MAD1L1: variants seen among roughly 807,000 people sequenced by gnomAD.
The protein encoded by MAD1L1 is mitotic spindle assembly checkpoint protein MAD1.
Under a neutral mutation model 96.9 loss-of-function variants are expected in MAD1L1, and 95 were observed. The observed-to-expected ratio is 0.98, with a 90% confidence interval of 0.83 to 1.16. The LOEUF is 1.16. Ranked by LOEUF, MAD1L1 falls within the 50% of genes most tolerant of loss-of-function variation. The pLI is 0.00. For missense variants in MAD1L1, 1,007 were observed against 954.4 expected (o/e 1.06, Z -0.73); for synonymous variants, 473 against 396.6 (o/e 1.19, Z -2.29).
chr7:2,175,743 G>A (rs1315509709), intron 10 of MAD1L1, among the ~76,000 whole-genome samples: 1 of 152,114 alleles, frequency 6.6e-6, no homozygotes, highest in African/African-American at 2.4e-5. Context: ...CAGAAAGGGT[G>A]GGGCTCATCC....
intron 11 of MAD1L1, among the ~76,000 whole-genome samples, chr7:2,137,732 C>T (rs1443235972): frequency 1.3e-5 from 2 of 152,202 alleles, no homozygotes; most frequent in Admixed American, 1.3e-4. Context: ...GGCTCCCACA[C>T]AGGCCAGATC....
chr7:2,134,375 G>T (rs777821163), intron 11 of MAD1L1, among the ~76,000 whole-genome samples: 5 of 152,150 alleles, frequency 3.3e-5, no homozygotes, highest in Non-Finnish European at 5.9e-5. Context: ...TATTCTACAA[G>T]TTCTTTTGTT....
chr7:1,828,303 G>T (rs2128625113), intron 18 of MAD1L1, among the ~76,000 whole-genome samples: 1 of 152,352 alleles, frequency 6.6e-6, no homozygotes, highest in East Asian at 1.9e-4. Context: ...CACAGCCCAG[G>T]CAGGGCCTCG....
At chr7:1,929,114 G>T (rs142327744) in intron 17 of MAD1L1, among the ~76,000 whole-genome samples, 2 of 152,106 alleles carry the variant, frequency 1.3e-5, no homozygotes, top group Non-Finnish European at 2.9e-5. Flanking sequence ...GTGGATTCCA[G>T]GCAGAGCAAC....
At chr7:1,966,944 G>A (rs530880885) in intron 15 of MAD1L1, among the ~76,000 whole-genome samples, 25 of 152,354 alleles carry the variant, frequency 1.6e-4, no homozygotes, top group African/African-American at 5.8e-4. Context: ...AGAGGCTGCC[G>A]GAAATCCTTC....
chr7:2,104,080 C>T (rs1786960771), intron 11 of MAD1L1, among the ~76,000 whole-genome samples: 1 of 152,210 alleles, frequency 6.6e-6, no homozygotes, highest in Admixed American at 6.5e-5. Context: ...GCTCTCCGGG[C>T]CAACTGCACA....
At chr7:2,094,602 G>A (rs1786381560) in intron 11 of MAD1L1, among the ~76,000 whole-genome samples, 1 of 152,086 alleles carries the variant, frequency 6.6e-6, no homozygotes, top group East Asian at 1.9e-4. Flanking sequence ...CTGCTATCCA[G>A]ACAGGGTGCT....
rs188784397 is a variant in MAD1L1, at chr7:2,047,559, G to T, written c.1218+21635C>A. On this transcript the variant is annotated intron_variant, in intron 12 of 18. Coordinates refer to ENST00000265854, the MANE Select transcript of MAD1L1 (RefSeq NM_001013836.2). ...ATTGCTGTTTAATAACTATCACAAT[G>T]GTTGGGGCTGGCCTTGTCTGCTGGG... Among the ~76,000 whole-genome samples the T allele has an allele frequency of 4.1e-3, 618 of 152,346 alleles. 6 individuals carry two copies. Among genetic ancestry groups the T allele is most frequent in the African/African-American group, 0.014 (585 of 41,564 alleles).
chr7:2,029,860 C>T (rs895203390), intron 12 of MAD1L1, among the ~76,000 whole-genome samples: 5 of 151,886 alleles, frequency 3.3e-5, no homozygotes, highest in African/African-American at 7.3e-5. Context: ...GGTTGATGTG[C>T]GAGTTATGAT....
intron 15 of MAD1L1, among the ~76,000 whole-genome samples, chr7:1,974,041 T>C (rs890210760): frequency 2.0e-5 from 3 of 152,194 alleles, no homozygotes; most frequent in Admixed American, 6.5e-5. Flanking sequence ...GGAGCCTGCA[T>C]GTCACTCTGC....
intron 18 of MAD1L1, among the ~76,000 whole-genome samples, chr7:1,871,422 C>G (rs1379141862): frequency 6.7e-6 from 1 of 149,342 alleles, no homozygotes; most frequent in Non-Finnish European, 1.5e-5. Flanking sequence ...CATACGCCTG[C>G]CAAGCTGAAC....
chr7:1,971,029 G>A (rs1455933519), intron 15 of MAD1L1, among the ~76,000 whole-genome samples: 1 of 152,162 alleles, frequency 6.6e-6, no homozygotes, highest in African/African-American at 2.4e-5. Flanking sequence ...TTAGAATTCA[G>A]TAGTGTGGAG....
rs535113690 is a variant in MAD1L1, at chr7:1,909,974, A to G, written c.1808-11584T>C. On this transcript the variant is annotated intron_variant, in intron 17 of 18. Coordinates refer to ENST00000265854, the MANE Select transcript of MAD1L1 (RefSeq NM_001013836.2). ...GGTGAGCTCTGTGCAGCTTTCAAACAGGGCACCTCTTGTGTGATTAACGAC... is the reference window on the plus strand; with the variant it reads ...GGTGAGCTCTGTGCAGCTTTCAAACGGGGCACCTCTTGTGTGATTAACGAC... 5.3e-5 allele frequency among the ~76,000 whole-genome samples: 8 copies of G among 152,290 alleles called. No homozygotes were observed. In the East Asian group the frequency reaches 1.4e-3, roughly 26 times the overall value.
chr7:1,897,060 C>G (rs557818242), intron 18 of MAD1L1, among the ~76,000 whole-genome samples: 1 of 150,758 alleles, frequency 6.6e-6, no homozygotes, highest in Non-Finnish European at 1.5e-5. Context: ...ATCTGAGAAG[C>G]AGGAAATCCA....
intron 10 of MAD1L1, among the ~76,000 whole-genome samples, chr7:2,151,984 C>G (rs1789595543): frequency 6.6e-6 from 1 of 151,914 alleles, no homozygotes; most frequent in Non-Finnish European, 1.5e-5. Flanking sequence ...CAGGCTGGCT[C>G]TCCACATTCC....
rs539171888 is a variant in MAD1L1, at chr7:2,037,649, G to A, written c.1219-23007C>T. Among the ~76,000 whole-genome samples the A allele has an allele frequency of 4.6e-5, 7 of 152,140 alleles. No homozygotes were observed. The South Asian group carries it at 6.2e-4, about 14-fold the overall frequency. ...GTTATGTCTGTTGTGGTCTGTGATC[G>A]GCGGTCTCCGATCTTACTGCTGTCA... On this transcript the variant is annotated intron_variant, in intron 12 of 18. Transcript: ENST00000265854.
intron 14 of MAD1L1, among the ~76,000 whole-genome samples, chr7:1,986,555 G>A (rs150673192): frequency 1.4e-4 from 21 of 151,138 alleles, no homozygotes; most frequent in African/African-American, 4.9e-4. Flanking sequence ...GTTCTACTCC[G>A]CGGCTCCCTC....
intron 11 of MAD1L1, among the ~76,000 whole-genome samples, chr7:2,089,837 C>T (rs1303085684): frequency 6.6e-6 from 1 of 152,212 alleles, no homozygotes; most frequent in Non-Finnish European, 1.5e-5. Flanking sequence ...TTCTGACATC[C>T]ATCTCGAAGG....
intron 18 of MAD1L1, among the ~76,000 whole-genome samples, chr7:1,879,436 CA>C (rs199955101): frequency 0.13 from 16,676 of 130,338 alleles, 1,103 homozygotes; most frequent in Middle Eastern, 0.23. Context: ...GCCTGAGTGA[CA>C]AGAGTGAGAC....
Sources: gnomAD v4.1 joint callset for allele counts (sites outside exome capture counted in the v4.1 genomes callset) on GRCh38, gnomAD v4.1.1 for gene constraint, MANE v1.5 for transcripts, NCBI Gene and HGNC (gene_info 2026-07-23, HGNC 2026-07-21) for gene names.